ITGA9: variants seen among roughly 807,000 people sequenced by gnomAD.
ITGA9 encodes the protein integrin subunit alpha 9.
A neutral mutation model predicts 127.8 loss-of-function variants in ITGA9; 56 were observed. That is an observed-to-expected ratio of 0.44 (90% confidence interval 0.35 to 0.55). The LOEUF (loss-of-function observed/expected upper bound fraction) is 0.55, where lower values mean the gene tolerates loss of function less well. Ranked by LOEUF, ITGA9 falls within the 20% of genes least tolerant of loss-of-function variation. The pLI is 0.00. For missense variants in ITGA9, 1,196 were observed against 1,347.1 expected (o/e 0.89, Z 1.76); for synonymous variants, 508 against 514.5 (o/e 0.99, Z 0.17).
chr3:37,749,064 T>TA (rs2125537114), intron 22 of ITGA9, among the ~76,000 whole-genome samples: 1 of 152,372 alleles, frequency 6.6e-6, no homozygotes, highest in South Asian at 2.1e-4. Context: ...TTTGTTATCT[T>TA]ACAGTTCTGA....
At chr3:37,741,017 A>G (rs1368114916) in intron 20 of ITGA9, among the ~76,000 whole-genome samples, 1 of 152,082 alleles carries the variant, frequency 6.6e-6, no homozygotes, top group Non-Finnish European at 1.5e-5. Flanking sequence ...CTTTCAGGTG[A>G]GACATAGCTG....
intron 16 of ITGA9, among the ~76,000 whole-genome samples, chr3:37,643,578 A>T (rs1385179728): frequency 6.6e-6 from 1 of 152,204 alleles, no homozygotes; most frequent in Admixed American, 6.5e-5. Context: ...TGGTTTCCTC[A>T]AACTCTTCAA....
intron 17 of ITGA9, among the ~76,000 whole-genome samples, chr3:37,661,890 A>G (rs2298415): frequency 0.59 from 89,166 of 152,018 alleles, 26,925 homozygotes; most frequent in African/African-American, 0.73. Context: ...CACGCATTCC[A>G]AGCAGAGGGA....
intron 23 of ITGA9, 43 bp downstream of exon 23, chr3:37,750,612 C>A: frequency 7.2e-7 from 1 of 1,386,966 alleles, no homozygotes; most frequent in Non-Finnish European, 1.0e-6. Flanking sequence ...CAGCTTTGAG[C>A]CAGCCCATTC....
chr3:37,656,457 G>C (rs986239002), intron 17 of ITGA9, among the ~76,000 whole-genome samples: 7 of 152,136 alleles, frequency 4.6e-5, no homozygotes, highest in Non-Finnish European at 1.0e-4. Context: ...TGTAGCAATT[G>C]TGAATGGGAG....
intron 15 of ITGA9, among the ~76,000 whole-genome samples, chr3:37,619,835 C>CAGA (rs1281005489): frequency 2.6e-5 from 4 of 152,138 alleles, no homozygotes; most frequent in Non-Finnish European, 5.9e-5. Flanking sequence ...TCAAGACTAG[C>CAGA]AGAAGACTCT....
Position 37,821,204 on chromosome 3 carries a change from A to C in ITGA9, c.*2215A>C, listed in dbSNP as rs1697510582. 6.6e-6 allele frequency: 1 copy of C among 152,270 alleles called. No homozygotes were observed. The highest frequency in any genetic ancestry group is 1.9e-4 in the East Asian group (1 of 5,200). The allele number at this position is 152,270 out of a possible 1,614,324, so 9.4% of individuals were successfully genotyped here. A position where few individuals can be genotyped will look rare whatever the true frequency, so the allele number is the denominator to read the frequency against. On this transcript the variant is annotated 3_prime_UTR_variant, in exon 28 of 28. Coordinates refer to ENST00000264741, the MANE Select transcript of ITGA9 (RefSeq NM_002207.3). Reference sequence around the variant, plus strand: ...GCATCTAACTGTGGGATGGAGGCACAGAGGTAGCTACAGGGAGCAGGACGA... The same window carrying C: ...GCATCTAACTGTGGGATGGAGGCACCGAGGTAGCTACAGGGAGCAGGACGA...
In ITGA9 at chr3:37,818,191, T is replaced by TAAAAAAAAAAAAAAAAAAA. The variant is rs748381488; in HGVS notation, c.3010-692_3010-674dup. 1.6e-4 allele frequency: 5 copies of TAAAAAAAAAAAAAAAAAAA among 31,968 alleles called. 1 individual carries two copies. The highest frequency in any genetic ancestry group is 1.9e-4 in the African/African-American group (2 of 10,664). 2.0% of individuals were successfully genotyped at this position (31,968 alleles called of 1,614,324 possible). On this transcript the variant is annotated intron_variant, in intron 27 of 27. Transcript: ENST00000264741. Reference sequence around the variant, plus strand: ...CTTTCCACTGTACATTAAGACTCTCTAAAAAAAAAAAAAAAAAAAAAAAAA... The same window carrying TAAAAAAAAAAAAAAAAAAA: ...CTTTCCACTGTACATTAAGACTCTCTAAAAAAAAAAAAAAAAAAAAAAAAAAAAAAAAAAAAAAAAAAAA...
intron 18 of ITGA9, among the ~76,000 whole-genome samples, chr3:37,697,596 T>C (rs1315166888): frequency 3.9e-5 from 6 of 152,104 alleles, no homozygotes; most frequent in Admixed American, 3.9e-4. Flanking sequence ...TTTGGTTTTC[T>C]ATCCTTGTGA....
At chr3:37,598,786 G>T (rs1239169443) in intron 15 of ITGA9, among the ~76,000 whole-genome samples, 1 of 152,094 alleles carries the variant, frequency 6.6e-6, no homozygotes, top group Non-Finnish European at 1.5e-5. Context: ...CTGAAGTAGG[G>T]GAAGCTCAGA....
chr3:37,529,729 C>T (rs776717002), intron 13 of ITGA9, among the ~76,000 whole-genome samples: 6 of 152,210 alleles, frequency 3.9e-5, no homozygotes, highest in Non-Finnish European at 7.3e-5. Flanking sequence ...CCTGTGCCTA[C>T]ACCCAAGGGT....
chr3:37,687,665 T>C (rs1436524006), intron 18 of ITGA9, among the ~76,000 whole-genome samples: 1 of 152,262 alleles, frequency 6.6e-6, no homozygotes, highest in Non-Finnish European at 1.5e-5. Context: ...GTAACATTAA[T>C]GTCCAAAATT....
At chr3:37,477,127 C>G (rs1037044622) in intron 3 of ITGA9, among the ~76,000 whole-genome samples, 2 of 152,134 alleles carry the variant, frequency 1.3e-5, no homozygotes, top group Admixed American at 1.3e-4. Context: ...TCAACCCTAC[C>G]TGTCAGAGCT....
rs1697207585 is a variant in ITGA9, at chr3:37,799,164, T to C, written c.2890-4659T>C. On this transcript the variant is annotated intron_variant, in intron 26 of 27. Coordinates refer to ENST00000264741, the MANE Select transcript of ITGA9 (RefSeq NM_002207.3). The surrounding 1 kb of genome is among the most constrained non-coding windows in gnomAD (Gnocchi z 4.0). Reference sequence around the variant, plus strand: ...ATTAATGGATCAAAGGGTATGAACATTTTTATTTTATTTTTTAATTTTTTA... The same window carrying C: ...ATTAATGGATCAAAGGGTATGAACACTTTTATTTTATTTTTTAATTTTTTA... Among the ~76,000 whole-genome samples, 1 of 152,076 alleles carries C rather than the reference T, an allele frequency of 6.6e-6. No individual in the cohort carries two copies.
In ITGA9 at chr3:37,629,315, A is replaced by G; in HGVS notation, c.1818A>G (p.Gln606=). Residue 606 remains glutamine, a synonymous_variant, in exon 16 of 28, where the codon CAA becomes CAG. Transcript: ENST00000264741. The surrounding 1 kb of genome is among the most constrained non-coding windows in gnomAD (Gnocchi z 4.5). ...LTPVLRWKKG[Q]KIAQKNQTVF... is the part of the protein sequence containing the mutation. ...CAGTTCTCCGCTGGAAAAAGGGACA[A>G]AAGATTGCCCAAAAGAATCAGGTCA... The G allele has an allele frequency of 6.2e-7, 1 of 1,614,176 alleles. No individual in the cohort carries two copies. Among genetic ancestry groups the G allele is most frequent in the South Asian group, 1.1e-5 (1 of 91,066 alleles).
intron 15 of ITGA9, among the ~76,000 whole-genome samples, chr3:37,602,955 G>GTGAGA (rs1204425971): frequency 6.6e-6 from 1 of 152,152 alleles, no homozygotes; most frequent in African/African-American, 2.4e-5. Flanking sequence ...GTTCTGTGAG[G>GTGAGA]GTGGAACACC....
intron 1 of ITGA9, among the ~76,000 whole-genome samples, chr3:37,453,177 G>A (rs1698219686): frequency 6.6e-6 from 1 of 151,514 alleles, no homozygotes; most frequent in Non-Finnish European, 1.5e-5. Flanking sequence ...AAGCTCCTAG[G>A]ATATAGGGAA....
At chr3:37,791,303 C>T (rs1314057373) in intron 26 of ITGA9, among the ~76,000 whole-genome samples, 2 of 152,198 alleles carry the variant, frequency 1.3e-5, no homozygotes, top group African/African-American at 4.8e-5. Flanking sequence ...ACATGATAAA[C>T]TTGTAAGTCC....
At chr3:37,666,274 A>T (rs537027822) in intron 17 of ITGA9, among the ~76,000 whole-genome samples, 20 of 152,232 alleles carry the variant, frequency 1.3e-4, no homozygotes, top group Non-Finnish European at 2.6e-4. Context: ...TTGAGTGAGC[A>T]GTGCAGGAAA....
Sources: allele counts gnomAD v4.1 joint callset (sites outside exome capture counted in the v4.1 genomes callset), GRCh38; gene constraint gnomAD v4.1.1; non-coding constraint Gnocchi (gnomAD v3.1); transcripts MANE v1.5; gene names NCBI Gene and HGNC (gene_info 2026-07-23, HGNC 2026-07-21).